The following KCNMB2 variants were observed in gnomAD, a reference collection of about 807,000 sequenced individuals.
KCNMB2 encodes calcium-activated potassium channel subunit beta-2.
In KCNMB2, 9 loss-of-function variants were observed where a neutral mutation model predicts 24.5. The observed-to-expected ratio is 0.37, with a 90% CI of 0.22 to 0.64. KCNMB2 has a LOEUF of 0.64. KCNMB2 is among the 30% of genes least tolerant of loss of function. The pLI, the probability that KCNMB2 is intolerant of heterozygous loss-of-function variation, is 0.63. For synonymous variants in KCNMB2, 109 were observed against 104.4 expected, an observed-to-expected ratio of 1.04 and a Z score of -0.27; for missense variants, 226 against 284.3, an observed-to-expected ratio of 0.79 and a Z score of 1.47.
intron 1 of KCNMB2, chr3:178,748,913 T>G (rs951689867): frequency 6.6e-6 from 1 of 152,170 alleles, no homozygotes; most frequent in Non-Finnish European, 1.5e-5. Flanking sequence ...CTCAATAAAT[T>G]TATCTCCTGT....
chr3:178,720,460 T>C (rs549766154), intron 1 of KCNMB2, among the ~76,000 whole-genome samples: 3 of 111,586 alleles, frequency 2.7e-5, no homozygotes, highest in South Asian at 3.0e-4. Flanking sequence ...TATGTCTTTA[T>C]AGCAGCATGA....
intron 1 of KCNMB2, among the ~76,000 whole-genome samples, chr3:178,540,342 G>T (rs1351109339): frequency 1.3e-5 from 2 of 152,160 alleles, no homozygotes; most frequent in African/African-American, 2.4e-5. Flanking sequence ...TTCACAGTTG[G>T]TCTCTTACTT....
chr3:178,718,612 T>G (rs556086750), intron 1 of KCNMB2, among the ~76,000 whole-genome samples: 1 of 152,310 alleles, frequency 6.6e-6, no homozygotes, highest in East Asian at 1.9e-4. Context: ...ATATCAGAAG[T>G]GGCATAGATT....
intron 1 of KCNMB2, among the ~76,000 whole-genome samples, chr3:178,730,686 C>T (rs1723120284): frequency 6.6e-6 from 1 of 152,148 alleles, no homozygotes. Flanking sequence ...TGGTACCATT[C>T]CTTCCTGTCC....
At chr3:178,614,090 G>T (rs1177075235) in intron 1 of KCNMB2, among the ~76,000 whole-genome samples, 2 of 149,212 alleles carry the variant, frequency 1.3e-5, no homozygotes, top group African/African-American at 4.9e-5. Flanking sequence ...GCTATTAAAA[G>T]AATCTAGTGC....
At chr3:178,776,593 A>G (rs1308420646) in intron 1 of KCNMB2, among the ~76,000 whole-genome samples, 1 of 152,204 alleles carries the variant, frequency 6.6e-6, no homozygotes, top group East Asian at 1.9e-4. Context: ...CTTTCAAGAT[A>G]GAGCCTGGTA....
intron 1 of KCNMB2, among the ~76,000 whole-genome samples, chr3:178,551,303 T>C (rs901533185): frequency 2.0e-5 from 3 of 152,218 alleles, no homozygotes; most frequent in Admixed American, 2.0e-4. Flanking sequence ...CCTATTATTC[T>C]CACAACTCTG....
chr3:178,573,702 G>C (rs1236733773), intron 1 of KCNMB2, among the ~76,000 whole-genome samples: 1 of 134,394 alleles, frequency 7.4e-6, no homozygotes, highest in Admixed American at 8.3e-5. Flanking sequence ...AACCATGATT[G>C]TGCCACTGCA....
At chr3:178,552,380 AC>A (rs10713632) in intron 1 of KCNMB2, among the ~76,000 whole-genome samples, 33,920 of 144,638 alleles carry the variant, frequency 0.23, 5,742 homozygotes, top group African/African-American at 0.49. Context: ...TTTGAATTAA[AC>A]CCCCCCCCAA....
intron 1 of KCNMB2, among the ~76,000 whole-genome samples, chr3:178,760,507 C>CGTGTGTGT (rs34063119): frequency 5.9e-4 from 69 of 117,440 alleles, no homozygotes; most frequent in African/African-American, 2.0e-3. Flanking sequence ...CCAAGAGTTT[C>CGTGTGTGT]GTGTGTGTGT....
rs1722181219 is a variant in KCNMB2, at chr3:178,703,648, GA to G, written c.-67-103691del. ...AGCTAATGCTGGACCAAAATTATAG[GA>G]AAATATATATAGCATAAATGAGTCA... is the stretch of plus-strand genomic sequence containing the variant. On this transcript the variant is annotated intron_variant, in intron 1 of 4. Coordinates refer to ENST00000452583, the MANE Select transcript of KCNMB2 (RefSeq NM_181361.3). Among the ~76,000 whole-genome samples, 3 of 152,258 alleles carry G rather than the reference GA, an allele frequency of 2.0e-5. No individual in the cohort carries two copies. The South Asian group carries it at 6.2e-4, about 32-fold the overall frequency.
intron 1 of KCNMB2, among the ~76,000 whole-genome samples, chr3:178,693,578 C>T (rs150496177): frequency 6.6e-6 from 1 of 152,128 alleles, no homozygotes; most frequent in Non-Finnish European, 1.5e-5. Flanking sequence ...TTGAACCAAC[C>T]TTGCATCCCA....
chr3:178,558,561 G>C lies in KCNMB2; in HGVS notation c.-68+21850G>C, dbSNP rs1212109167. ...TCCCTCCACCAACATTTCTAAAATA[G>C]TTCAAAACAAACTATAAAGAATATT... On this transcript the variant is annotated intron_variant, in intron 1 of 4. Coordinates refer to ENST00000452583, the MANE Select transcript of KCNMB2 (RefSeq NM_181361.3). The C allele has an allele frequency of 5.3e-5, 8 of 152,272 alleles. No individual in the cohort carries two copies. The East Asian group carries it at 1.5e-3, about 29-fold the overall frequency. The allele number at this position is 152,272 out of a possible 1,614,324, so 9.4% of individuals were successfully genotyped here. A position where few individuals can be genotyped will look rare whatever the true frequency, so the allele number is the denominator to read the frequency against.
Position 178,764,236 on chromosome 3 carries a change from T to C in KCNMB2, c.-67-43107T>C, listed in dbSNP as rs569751416. On this transcript the variant is annotated intron_variant, in intron 1 of 4. Coordinates refer to ENST00000452583, the MANE Select transcript of KCNMB2 (RefSeq NM_181361.3). ...CAAGAAATGTGGTGGCACACTGAGT[T>C]ATAAACTGATTTTTCATGAATTGTC... is the stretch of plus-strand genomic sequence containing the variant. Among the ~76,000 whole-genome samples, 14 of 152,298 alleles carry C rather than the reference T, an allele frequency of 9.2e-5. No individual in the cohort carries two copies. In the East Asian group the frequency reaches 2.3e-3, roughly 25 times the overall value.
intron 1 of KCNMB2, among the ~76,000 whole-genome samples, chr3:178,788,937 C>G (rs551029346): frequency 5.3e-5 from 8 of 152,294 alleles, no homozygotes; most frequent in African/African-American, 1.9e-4. Context: ...TGCCACCTAG[C>G]TAAAAGTTCA....
chr3:178,813,947 A>G, intron 2 of KCNMB2, among the ~76,000 whole-genome samples: 1 of 140,088 alleles, frequency 7.1e-6, no homozygotes, highest in East Asian at 2.1e-4. Context: ...TAACTTCACT[A>G]CGTTGTTGTT....
In KCNMB2 at chr3:178,593,880, C is replaced by A. The variant is rs563800213; in HGVS notation, c.-68+57169C>A. 6.2e-5 allele frequency among the ~76,000 whole-genome samples: 9 copies of A among 146,338 alleles called. 1 individual carries two copies. The East Asian group carries it at 1.8e-3, about 29-fold the overall frequency. On this transcript the variant is annotated intron_variant, in intron 1 of 4. Coordinates refer to ENST00000452583, the MANE Select transcript of KCNMB2 (RefSeq NM_181361.3). The stretch of plus-strand genomic sequence containing the variant: ...TCTTTACCTATTGTATAAAGTCCAA[C>A]CTCTTGGCCACGGCATACCAGATCA...
intron 1 of KCNMB2, among the ~76,000 whole-genome samples, chr3:178,676,763 C>T (rs900570984): frequency 1.3e-5 from 2 of 152,224 alleles, no homozygotes; most frequent in African/African-American, 4.8e-5. Context: ...GCATGCTACA[C>T]AACTTTCTCA....
At chr3:178,554,095 T>C (rs1337652470) in intron 1 of KCNMB2, among the ~76,000 whole-genome samples, 1 of 148,528 alleles carries the variant, frequency 6.7e-6, no homozygotes, top group African/African-American at 2.5e-5. Context: ...ATGAGGTAGG[T>C]TTTTTTTTTA....
Sources: allele counts gnomAD v4.1 joint callset (sites outside exome capture counted in the v4.1 genomes callset), GRCh38; gene constraint gnomAD v4.1.1; transcripts MANE v1.5; gene names NCBI Gene and HGNC (gene_info 2026-07-23, HGNC 2026-07-21).